The following CCDC91 variants were observed in gnomAD, a reference collection of about 807,000 sequenced individuals.
CCDC91 encodes the protein coiled-coil domain containing 91, also known as coiled-coil domain-containing protein 91.
CCDC91 carries 48 observed loss-of-function variants against 63.2 expected under a neutral mutation model. That is an observed-to-expected ratio of 0.76 (90% confidence interval 0.60 to 0.97). The LOEUF (loss-of-function observed/expected upper bound fraction) is 0.97. Ranked by LOEUF, CCDC91 falls within the 50% of genes least tolerant of loss-of-function variation. The pLI is 0.00. For synonymous variants in CCDC91, 167 were observed against 165.8 expected, an observed-to-expected ratio of 1.01 and a Z score of -0.06; for missense variants, 500 against 494.6, an observed-to-expected ratio of 1.01 and a Z score of -0.10.
chr12:28,271,525 C>T lies in CCDC91; in HGVS notation c.109+12083C>T, dbSNP rs568788232. Among the ~76,000 whole-genome samples, 26 of 151,916 alleles carry T rather than the reference C, an allele frequency of 1.7e-4. No homozygotes were observed. In the South Asian group the frequency reaches 4.4e-3, roughly 25 times the overall value. On this transcript the variant is annotated intron_variant, in intron 3 of 12. Transcript: ENST00000536442. ...TACTTGAATTTTTTAAAAAGTATTT[C>T]GTAATTTCCAAGTATGGGGCTTTTC...
intron 12 of CCDC91, among the ~76,000 whole-genome samples, chr12:28,488,819 T>C (rs542346563): frequency 2.6e-5 from 4 of 151,986 alleles, no homozygotes; most frequent in Non-Finnish European, 4.4e-5. Flanking sequence ...GTGATTTGCA[T>C]TGAAAGACCA....
intron 11 of CCDC91, among the ~76,000 whole-genome samples, chr12:28,455,881 C>G (rs1377617213): frequency 6.6e-6 from 1 of 152,010 alleles, no homozygotes; most frequent in African/African-American, 2.4e-5. Flanking sequence ...CCCATTGTTA[C>G]AGATGGGGAG....
At chr12:28,514,249 A>G (rs1005300961) in intron 12 of CCDC91, among the ~76,000 whole-genome samples, 3 of 151,934 alleles carry the variant, frequency 2.0e-5, no homozygotes, top group African/African-American at 7.2e-5. Flanking sequence ...TGTTGGCCAC[A>G]TGTATGTCTT....
At chr12:28,362,929 A>G (rs1943999909) in intron 7 of CCDC91, among the ~76,000 whole-genome samples, 1 of 152,160 alleles carries the variant, frequency 6.6e-6, no homozygotes, top group Non-Finnish European at 1.5e-5. Flanking sequence ...GGTACACTTT[A>G]GCAATAACAG....
chr12:28,528,383 C>A (rs1040070344), intron 12 of CCDC91, among the ~76,000 whole-genome samples: 2 of 152,198 alleles, frequency 1.3e-5, no homozygotes, highest in African/African-American at 4.8e-5. Context: ...CTTTTCCCAT[C>A]ATCTAGAGCT....
intron 7 of CCDC91, among the ~76,000 whole-genome samples, chr12:28,386,772 T>C (rs865852098): frequency 1.3e-5 from 2 of 152,206 alleles, no homozygotes; most frequent in African/African-American, 4.8e-5. Context: ...GACATAAATA[T>C]GTTCAAAATC....
At position 28,284,265 on chromosome 12, in the gene CCDC91, G is replaced by A. The variant is rs570158366; in HGVS notation, c.110-21384G>A. 4.6e-5 allele frequency among the ~76,000 whole-genome samples: 7 copies of A among 152,204 alleles called. No individual in the cohort carries two copies. In the East Asian group the frequency reaches 1.3e-3, roughly 29 times the overall value. On this transcript the variant is annotated intron_variant, in intron 3 of 12. Coordinates refer to ENST00000536442, the MANE Select transcript of CCDC91 (RefSeq NM_018318.5). ...GTGTGCACAGGTAGCTTTTGAAGATGTCTAATGCAAATTAGGCTTTCTGGA... is the reference window on the plus strand; with the variant it reads ...GTGTGCACAGGTAGCTTTTGAAGATATCTAATGCAAATTAGGCTTTCTGGA...
intron 8 of CCDC91, among the ~76,000 whole-genome samples, chr12:28,445,341 A>G (rs1949443853): frequency 6.6e-6 from 1 of 152,210 alleles, no homozygotes; most frequent in Non-Finnish European, 1.5e-5. Flanking sequence ...CCAGATCAGT[A>G]AAATGACACA....
intron 3 of CCDC91, among the ~76,000 whole-genome samples, chr12:28,290,758 A>G (rs1949197302): frequency 6.6e-6 from 1 of 152,168 alleles, no homozygotes; most frequent in South Asian, 2.1e-4. Flanking sequence ...TAAATGCTGA[A>G]TATTCTAAAT....
rs551864033 is a variant in CCDC91, at chr12:28,322,812, A to T, written c.576+15063A>T. ...TACATATTTATACTTTCACCAAGAA[A>T]TACATGAGAATGCCTGTTTTACCAT... On this transcript the variant is annotated intron_variant, in intron 6 of 12. Transcript: ENST00000536442. Among the ~76,000 whole-genome samples the T allele has an allele frequency of 3.3e-5, 5 of 151,888 alleles. No individual in the cohort carries two copies. In the East Asian group the frequency reaches 5.8e-4, roughly 18 times the overall value.
chr12:28,223,834 G>A (rs1944101843), intron 1 of CCDC91, among the ~76,000 whole-genome samples: 1 of 152,146 alleles, frequency 6.6e-6, no homozygotes, highest in African/African-American at 2.4e-5. Context: ...GAAAAGAAAT[G>A]TCTTCTTAAA....
chr12:28,386,303 G>T (rs1945594913), intron 7 of CCDC91, among the ~76,000 whole-genome samples: 1 of 152,148 alleles, frequency 6.6e-6, no homozygotes, highest in South Asian at 2.1e-4. Context: ...AGTCTAAAAA[G>T]CTGTTCATGA....
rs551101607 is a variant in CCDC91, at chr12:28,488,496, A to G, written c.1215+4331A>G. On this transcript the variant is annotated intron_variant, in intron 12 of 12. Transcript: ENST00000536442. The stretch of plus-strand genomic sequence containing the variant: ...TGATGAATTAGTTTTAGTAATAAAA[A>G]TGCCTTTTTATAAGAATTCTACCTC... 5.3e-5 allele frequency among the ~76,000 whole-genome samples: 8 copies of G among 151,962 alleles called. No homozygotes were observed. In the South Asian group the frequency reaches 1.7e-3, roughly 31 times the overall value.
intron 12 of CCDC91, among the ~76,000 whole-genome samples, chr12:28,503,223 C>A (rs1198239409): frequency 4.0e-5 from 6 of 151,532 alleles, no homozygotes; most frequent in South Asian, 2.1e-4. Context: ...CAATGAACTC[C>A]AACAAATTTA....
At chr12:28,242,744 G>C (rs752536338) in intron 1 of CCDC91, among the ~76,000 whole-genome samples, 2 of 152,184 alleles carry the variant, frequency 1.3e-5, no homozygotes, top group Non-Finnish European at 2.9e-5. Flanking sequence ...GTAATCCCCA[G>C]TGCTGGAGGT....
intron 5 of CCDC91, 117 bp downstream of exon 5, chr12:28,307,062 A>G: frequency 2.9e-6 from 2 of 691,272 alleles, no homozygotes; most frequent in African/African-American, 1.8e-5. Context: ...CCTTGGTTGT[A>G]GGTTTAAAGC....
At chr12:28,327,514 C>G (rs1565802914) in intron 6 of CCDC91, among the ~76,000 whole-genome samples, 1 of 152,054 alleles carries the variant, frequency 6.6e-6, no homozygotes, top group Admixed American at 6.6e-5. Context: ...TCCAACCAAT[C>G]TTTGGGCCCT....
chr12:28,195,262 A>G (rs1166818782), intron 1 of CCDC91, among the ~76,000 whole-genome samples: 2 of 152,152 alleles, frequency 1.3e-5, no homozygotes, highest in African/African-American at 4.8e-5. Flanking sequence ...TCCTTTAGCT[A>G]CACAGAAAAG....
chr12:28,411,307 A>G (rs914412637), intron 8 of CCDC91, among the ~76,000 whole-genome samples: 1 of 152,176 alleles, frequency 6.6e-6, no homozygotes, highest in African/African-American at 2.4e-5. Context: ...TGTTTTTAAA[A>G]CATATGATTT....
Sources: allele counts gnomAD v4.1 joint callset (sites outside exome capture counted in the v4.1 genomes callset), GRCh38; gene constraint gnomAD v4.1.1; transcripts MANE v1.5; gene names NCBI Gene and HGNC (gene_info 2026-07-23, HGNC 2026-07-21).